The following SORL1 variants were observed in gnomAD, a reference collection of about 807,000 sequenced individuals.
The protein encoded by SORL1 is sortilin-related receptor.
Under a neutral mutation model 273.7 loss-of-function variants are expected in SORL1, and 127 were observed. The ratio of observed to expected loss-of-function variants is 0.46; its 90% CI spans 0.40 to 0.54. SORL1 has a LOEUF of 0.54. SORL1 is among the 20% of genes least tolerant of loss of function. The pLI, the probability that SORL1 is intolerant of heterozygous loss-of-function variation, is 0.00. For missense variants in SORL1, 2,494 were observed against 2,846.1 expected, an observed-to-expected ratio of 0.88 and a Z score of 2.81; for synonymous variants, 1,031 against 1,067.4, an observed-to-expected ratio of 0.97 and a Z score of 0.66.
At chr11:121,621,385 G>A (rs1863721828) in intron 44 of SORL1, 147 bp downstream of exon 44, 1 of 705,042 alleles carries the variant, frequency 1.4e-6, no homozygotes, top group African/African-American at 1.8e-5. Context: ...GGGCAGAGTA[G>A]TGCAGAGGCT....
At chr11:121,492,686 A>G (rs1284085110) in intron 5 of SORL1, among the ~76,000 whole-genome samples, 1 of 152,218 alleles carries the variant, frequency 6.6e-6, no homozygotes, top group Non-Finnish European at 1.5e-5. Flanking sequence ...ACTCATCTCA[A>G]CAATATAGAA....
chr11:121,515,429 C>A (rs781206918), intron 8 of SORL1, among the ~76,000 whole-genome samples: 4 of 152,084 alleles, frequency 2.6e-5, no homozygotes, highest in Non-Finnish European at 5.9e-5. Context: ...ACCAGGCAGA[C>A]CCCTGGGGGA....
chr11:121,596,970 T>C lies in SORL1; in HGVS notation c.4519+1198T>C, dbSNP rs1193174031. 6.6e-6 allele frequency among the ~76,000 whole-genome samples: 1 copy of C among 152,190 alleles called. No individual in the cohort carries two copies. Among genetic ancestry groups the C allele is most frequent in the African/African-American group, 2.4e-5 (1 of 41,434 alleles). On this transcript the variant is annotated intron_variant, in intron 32 of 47. Coordinates refer to ENST00000260197, the MANE Select transcript of SORL1 (RefSeq NM_003105.6). The surrounding 1 kb of genome is among the most constrained non-coding windows in gnomAD (Gnocchi z 4.3). The stretch of plus-strand genomic sequence containing the variant: ...TCATCTCTTAATTCCTCTAATTCAG[T>C]ATTTACAAAATTTATGGGACTTAGC...
Position 121,627,482 on chromosome 11 carries a change from G to A in SORL1, c.6365-73G>A. On this transcript the variant is annotated intron_variant, in intron 46 of 47. Coordinates refer to ENST00000260197, the MANE Select transcript of SORL1 (RefSeq NM_003105.6). This position sits in a 1 kb window ranked among gnomAD's most constrained non-coding sequence, Gnocchi z 4.9. ...ATCGCCCAGCTTTTTTTGGTGGGTG[G>A]GGCCTTGAGGAGTCATCTGGTCTGT... 7.9e-7 allele frequency: 1 copy of A among 1,258,230 alleles called. No individual in the cohort carries two copies. The allele number at this position is 1,258,230 out of a possible 1,614,324, so 77.9% of individuals were successfully genotyped here.
Position 121,612,842 on chromosome 11 carries a change from T to C in SORL1, c.5419+10T>C, listed in dbSNP as rs1863587068. 4 of 1,596,422 alleles carry C rather than the reference T, an allele frequency of 2.5e-6. No individual in the cohort carries two copies. Among genetic ancestry groups the C allele is most frequent in the South Asian group, 1.1e-5 (1 of 90,616 alleles). On this transcript the variant is annotated intron_variant, in intron 40 of 47. Transcript: ENST00000260197. ...ATATTGTCACACAAAGGTAACACTT[T>C]GGTGCTGGTCAGTGTGTGTGCAGGA...
chr11:121,590,378 T>C, intron 30 of SORL1: 2 of 555,892 alleles, frequency 3.6e-6, no homozygotes, highest in Non-Finnish European at 6.3e-6. Context: ...ATTTATTCCG[T>C]ATTTGCAGGG....
rs1001777317 is a variant in SORL1 at position 121,513,189 on chromosome 11, C to G, written c.1041+85C>G. 1.6e-5 allele frequency: 16 copies of G among 991,154 alleles called. No homozygotes were observed. The Admixed American group carries it at 2.7e-4, about 17-fold the overall frequency. 61.4% of individuals were successfully genotyped at this position (991,154 alleles called of 1,614,324 possible). On this transcript the variant is annotated intron_variant, in intron 7 of 47. Transcript: ENST00000260197. ...GGAAGGTTGTTGCAGGGATGGCCTG[C>G]TGGAGTGGATATTTTATGGCGCCTC...
chr11:121,538,183 AT>A (rs11399955), intron 12 of SORL1, among the ~76,000 whole-genome samples: 23 of 146,506 alleles, frequency 1.6e-4, no homozygotes, highest in Non-Finnish European at 1.5e-4. Flanking sequence ...GGTGGCTCCT[AT>A]TTTTTTTTTT....
At chr11:121,583,368 A>G (rs2134888761) in intron 25 of SORL1, 90 bp from the exon 26 acceptor site, 1 of 1,444,604 alleles carries the variant, frequency 6.9e-7, no homozygotes, top group African/African-American at 1.5e-5. Context: ...TTCCTACCTC[A>G]TGCAAACCTC....
At chr11:121,469,983 A>G (rs1360614097) in intron 1 of SORL1, 24 bp from the exon 2 acceptor site, 1 of 1,497,258 alleles carries the variant, frequency 6.7e-7, no homozygotes, top group Non-Finnish European at 9.3e-7. Flanking sequence ...CGTGGGTCCT[A>G]ATTCCTACAT....
chr11:121,488,232 C>A lies in SORL1; in HGVS notation c.690+39C>A, dbSNP rs190482056. ...CAGAACCCAGTTGCATGGGGCTCCT[C>A]TAGTTTTCTCCTCTGCCTGTGTGGA... On this transcript the variant is annotated intron_variant, in intron 4 of 47. Coordinates refer to ENST00000260197, the MANE Select transcript of SORL1 (RefSeq NM_003105.6). 5.3e-3 allele frequency: 8,443 copies of A among 1,601,468 alleles called. 39 individuals carry two copies. The highest frequency in any genetic ancestry group is 7.5e-3 in the Middle Eastern group (44 of 5,898).
chr11:121,575,662 T>C (rs564248137), intron 24 of SORL1, among the ~76,000 whole-genome samples: 3 of 152,360 alleles, frequency 2.0e-5, no homozygotes, highest in Non-Finnish European at 4.4e-5. Flanking sequence ...TTGGAAGGTT[T>C]TTAAAAAATT....
chr11:121,534,743 A>G (rs1374514002), intron 12 of SORL1, among the ~76,000 whole-genome samples: 3 of 152,224 alleles, frequency 2.0e-5, no homozygotes, highest in Admixed American at 6.5e-5. Flanking sequence ...TCAGACTACA[A>G]TGGTGATTTA....
intron 6 of SORL1, among the ~76,000 whole-genome samples, chr11:121,499,413 A>T (rs1239341735): frequency 2.6e-5 from 4 of 152,184 alleles, no homozygotes; most frequent in Admixed American, 6.5e-5. Context: ...AGGCAAGGAC[A>T]GTTGTTACAA....
intron 5 of SORL1, among the ~76,000 whole-genome samples, chr11:121,492,983 T>A (rs1421296441): frequency 6.6e-6 from 1 of 151,938 alleles, no homozygotes; most frequent in Non-Finnish European, 1.5e-5. Context: ...TATTTATTTT[T>A]ATTTTATATT....
chr11:121,618,157 C>G (rs1380328007), intron 41 of SORL1, among the ~76,000 whole-genome samples: 1 of 152,212 alleles, frequency 6.6e-6, no homozygotes, highest in East Asian at 1.9e-4. Context: ...GCTGGAAGCT[C>G]TTTGTCTAGC....
chr11:121,627,789 G>C lies in SORL1; in HGVS notation c.6577+22G>C, dbSNP rs746515313. ...CTGGGTAAGTGGGGCAGGGAGAGTC[G>C]GTTCTTCCTCCCAGGGCTGACCCCC... On this transcript the variant is annotated intron_variant, in intron 47 of 47. Transcript: ENST00000260197. The surrounding 1 kb of genome is among the most constrained non-coding windows in gnomAD (Gnocchi z 4.9). 27 of 1,579,832 alleles carry C rather than the reference G, an allele frequency of 1.7e-5. No homozygotes were observed. In the Admixed American group the frequency reaches 4.5e-4, roughly 27 times the overall value.
At chr11:121,599,321 G>A (rs1863351106) in intron 32 of SORL1, among the ~76,000 whole-genome samples, 1 of 152,240 alleles carries the variant, frequency 6.6e-6, no homozygotes, top group African/African-American at 2.4e-5. Flanking sequence ...AAGGCGGGTG[G>A]ATCACCTGAG....
At position 121,497,032 on chromosome 11, in the gene SORL1, T is replaced by G. The variant is rs1861642543; in HGVS notation, c.922T>G (p.Phe308Val). 1 of 1,613,628 alleles carries G rather than the reference T, an allele frequency of 6.2e-7. No homozygotes were observed. Among genetic ancestry groups the G allele is most frequent in the Non-Finnish European group, 8.5e-7 (1 of 1,179,938 alleles). The part of the protein sequence containing the change: ...RDFQLRDKYM[F>V]ATKVVHLLGS... ...TTTTCAGCTTCGGGACAAGTACATG[T>G]TTGCTACAAAGGTGGTGGTAAGTTG... The change falls in exon 6 of 48, where the codon TTT becomes GTT. Residue 308 changes from phenylalanine to valine, a missense_variant. Around this residue, in one of 3 missense-constraint regions of SORL1, gnomAD observed 710 missense variants for 882.5 expected, o/e 0.80. Transcript: ENST00000260197.
Sources: allele counts gnomAD v4.1 joint callset (sites outside exome capture counted in the v4.1 genomes callset), GRCh38; gene constraint gnomAD v4.1.1; regional missense constraint gnomAD v4.1.1; non-coding constraint Gnocchi (gnomAD v3.1); transcripts MANE v1.5; gene names NCBI Gene and HGNC (gene_info 2026-07-23, HGNC 2026-07-21).